The following RNF144A variants were observed in gnomAD, a reference collection of about 807,000 sequenced individuals.
The protein encoded by RNF144A is E3 ubiquitin-protein ligase RNF144A.
A neutral mutation model predicts 38.7 loss-of-function variants in RNF144A; 11 were observed. The ratio of observed to expected loss-of-function variants is 0.28; its 90% CI spans 0.18 to 0.47. RNF144A has a LOEUF of 0.47. Among genes scored for constraint, RNF144A ranks in the 20% least tolerant of loss-of-function variants. The probability of loss-of-function intolerance (pLI) is 0.99; values close to 1 mark genes in which losing one functional copy is unlikely to be tolerated. For synonymous variants in RNF144A, 149 were observed against 143.9 expected (o/e 1.04, Z -0.25); for missense variants, 316 against 377.2 (o/e 0.84, Z 1.34).
At chr2:6,961,492 A>C (rs1422728192) in intron 2 of RNF144A, among the ~76,000 whole-genome samples, 2 of 152,134 alleles carry the variant, frequency 1.3e-5, no homozygotes, top group African/African-American at 2.4e-5. Flanking sequence ...TGCGATCCAG[A>C]GTATTTGATA....
chr2:7,030,957 C>T (rs1194622170), intron 8 of RNF144A, among the ~76,000 whole-genome samples: 2 of 152,118 alleles, frequency 1.3e-5, no homozygotes, highest in African/African-American at 2.4e-5. Context: ...CCCTCGCATG[C>T]GCAGTTCACA....
chr2:7,042,712 C>A lies in RNF144A; in HGVS notation c.*2952C>A. 1.0e-6 allele frequency: 1 copy of A among 985,500 alleles called. No individual in the cohort carries two copies. Among genetic ancestry groups the A allele is most frequent in the Non-Finnish European group, 1.2e-6 (1 of 829,964 alleles). The allele number at this position is 985,500 out of a possible 1,614,324, so 61.0% of individuals were successfully genotyped here. ...AGGAGGTCAGCACCTTGCAAAGATG[C>A]AGTCACCATAGATGTCCACGTAGCA... On this transcript the variant is annotated 3_prime_UTR_variant, in exon 9 of 9. Coordinates refer to ENST00000320892, the MANE Select transcript of RNF144A (RefSeq NM_014746.6).
chr2:6,949,529 G>T (rs1016071893), intron 2 of RNF144A, among the ~76,000 whole-genome samples: 1 of 152,100 alleles, frequency 6.6e-6, no homozygotes, highest in African/African-American at 2.4e-5. Flanking sequence ...TGTATTAAAA[G>T]GATCATGTAA....
intron 2 of RNF144A, among the ~76,000 whole-genome samples, chr2:6,977,893 A>G (rs1668405586): frequency 6.6e-6 from 1 of 152,222 alleles, no homozygotes; most frequent in Non-Finnish European, 1.5e-5. Flanking sequence ...AAATGAAAGC[A>G]TAGATGGTAG....
At chr2:7,018,323 C>T (rs1162875674) in intron 5 of RNF144A, among the ~76,000 whole-genome samples, 3 of 152,226 alleles carry the variant, frequency 2.0e-5, no homozygotes, top group African/African-American at 7.2e-5. Flanking sequence ...GCACTTGCAC[C>T]CTCCCGCAGG....
intron 2 of RNF144A, among the ~76,000 whole-genome samples, chr2:6,995,421 G>A (rs886810920): frequency 3.3e-5 from 5 of 152,120 alleles, no homozygotes; most frequent in Admixed American, 3.3e-4. Flanking sequence ...TTTATATAAA[G>A]GGGAGTTTGT....
At chr2:7,065,341 G>T (rs1035616605) in intron 6 of RNF144A, among the ~76,000 whole-genome samples, 17 of 152,326 alleles carry the variant, frequency 1.1e-4, no homozygotes, top group African/African-American at 4.1e-4. Context: ...AGGGCCTGGA[G>T]CTATTATAAA....
chr2:7,015,593 T>A (rs1671084405), intron 5 of RNF144A, among the ~76,000 whole-genome samples: 1 of 152,180 alleles, frequency 6.6e-6, no homozygotes, highest in Non-Finnish European at 1.5e-5. Context: ...GGAGAGGTCT[T>A]TAGCTCTGCT....
At position 7,042,606 on chromosome 2, in the gene RNF144A, G is replaced by T. The variant is rs1673115910; in HGVS notation, c.*2846G>T. 1.0e-6 allele frequency: 1 copy of T among 985,550 alleles called. No homozygotes were observed. The highest frequency in any genetic ancestry group is 1.7e-5 in the African/African-American group (1 of 57,360). The allele number at this position is 985,550 out of a possible 1,614,324, so 61.1% of individuals were successfully genotyped here. On this transcript the variant is annotated 3_prime_UTR_variant, in exon 9 of 9. Coordinates refer to ENST00000320892, the MANE Select transcript of RNF144A (RefSeq NM_014746.6). ...CCTTGAGTAACTGACCACATTTGGA[G>T]GTTTTGCTGGAAATGCCTGACCTCT...
intron 2 of RNF144A, among the ~76,000 whole-genome samples, chr2:6,969,046 C>T (rs2103343256): frequency 6.6e-6 from 1 of 152,300 alleles, no homozygotes; most frequent in Admixed American, 6.5e-5. Context: ...AGGTAATACC[C>T]CATCCTTGGG....
downstream of RNF144A, among the ~76,000 whole-genome samples, chr2:7,048,123 G>A (rs1673381247): frequency 6.6e-6 from 1 of 152,180 alleles, no homozygotes; most frequent in Admixed American, 6.5e-5. Context: ...AAGCCAGCAA[G>A]ATGAATGAGA....
intron 3 of RNF144A, among the ~76,000 whole-genome samples, chr2:7,008,267 C>T (rs761544927): frequency 6.6e-6 from 1 of 152,262 alleles, no homozygotes; most frequent in Non-Finnish European, 1.5e-5. Context: ...TGCGTGGTCA[C>T]ATGTGCAGGC....
chr2:7,006,000 T>A (rs1670417443), intron 3 of RNF144A, among the ~76,000 whole-genome samples: 1 of 151,758 alleles, frequency 6.6e-6, no homozygotes, highest in Non-Finnish European at 1.5e-5. Flanking sequence ...ACACACACAT[T>A]CAAAGTGTTT....
chr2:6,963,791 G>A (rs1027695254), intron 2 of RNF144A, among the ~76,000 whole-genome samples: 14 of 152,156 alleles, frequency 9.2e-5, no homozygotes, highest in African/African-American at 2.2e-4. Context: ...AGCTGGGGAC[G>A]TCAAAAATGA....
chr2:7,052,838 A>AACACACACACACACACACAC (rs10670138), intron 6 of RNF144A, among the ~76,000 whole-genome samples: 1 of 149,988 alleles, frequency 6.7e-6, no homozygotes, highest in African/African-American at 2.5e-5. Flanking sequence ...CCCCCTTTCC[A>AACACACACACACACACACAC]ACACACACAC....
At chr2:6,973,505 A>G (rs1668118809) in intron 2 of RNF144A, among the ~76,000 whole-genome samples, 1 of 152,198 alleles carries the variant, frequency 6.6e-6, no homozygotes, top group Admixed American at 6.5e-5. Flanking sequence ...TTCACAGTAC[A>G]GGGCGGGCAT....
In RNF144A at chr2:6,958,308, T is replaced by C. The variant is rs550421748; in HGVS notation, c.-12+17161T>C. The stretch of plus-strand genomic sequence containing the variant: ...AGTCCAGTAACTCAGCAGCCTGCCG[T>C]GCCAGAGACAGAACAGACACACGGA... On this transcript the variant is annotated intron_variant, in intron 2 of 8. Coordinates refer to ENST00000320892, the MANE Select transcript of RNF144A (RefSeq NM_014746.6). This position sits in a 1 kb window ranked among gnomAD's most constrained non-coding sequence, Gnocchi z 4.5. Among the ~76,000 whole-genome samples, 1 of 152,350 alleles carries C rather than the reference T, an allele frequency of 6.6e-6. No homozygotes were observed. The highest frequency in any genetic ancestry group is 2.4e-5 in the African/African-American group (1 of 41,586).
At chr2:6,986,776 G>C (rs1668989566) in intron 2 of RNF144A, among the ~76,000 whole-genome samples, 1 of 152,150 alleles carries the variant, frequency 6.6e-6, no homozygotes, top group Non-Finnish European at 1.5e-5. Context: ...TTCATTATCT[G>C]ATAGAAGGAA....
chr2:6,982,196 C>T (rs1323868491), intron 2 of RNF144A, among the ~76,000 whole-genome samples: 1 of 152,190 alleles, frequency 6.6e-6, no homozygotes, highest in Admixed American at 6.5e-5. Context: ...TTATCATTGA[C>T]TTCACATGAG....
Sources: gnomAD v4.1 joint callset for allele counts (sites outside exome capture counted in the v4.1 genomes callset) on GRCh38, gnomAD v4.1.1 for gene constraint, Gnocchi (gnomAD v3.1) non-coding constraint, MANE v1.5 for transcripts, NCBI Gene and HGNC (gene_info 2026-07-23, HGNC 2026-07-21) for gene names.